Variants in FCRL3 observed in about 807,000 individuals in gnomAD.
FCRL3 encodes the protein Fc receptor like 3.
In FCRL3, 89 loss-of-function variants were observed where a neutral mutation model predicts 75.0. The ratio of observed to expected loss-of-function variants is 1.19; its 90% confidence interval spans 1.00 to 1.42. FCRL3 has a LOEUF of 1.42. Ranked by LOEUF, FCRL3 falls within the 40% of genes most tolerant of loss-of-function variation. The pLI is 0.00. For synonymous variants in FCRL3, 376 were observed against 348.5 expected (o/e 1.08, Z -0.88); for missense variants, 946 against 880.0 (o/e 1.07, Z -0.95).
intron 11 of FCRL3, 114 bp from the exon 12 acceptor site, chr1:157,681,213 G>T: frequency 1.7e-6 from 1 of 575,882 alleles, no homozygotes; most frequent in Non-Finnish European, 2.8e-6. Context: ...TAAAAATATT[G>T]TGTCTGCTTC....
At position 157,700,700 on chromosome 1, in the gene FCRL3, T is replaced by C. The variant is rs1003294882; in HGVS notation, c.-135A>G. 2 of 1,432,648 alleles carry C rather than the reference T, an allele frequency of 1.4e-6. No individual in the cohort carries two copies. The highest frequency in any genetic ancestry group is 1.4e-5 in the African/African-American group (1 of 69,328). The allele number at this position is 1,432,648 out of a possible 1,614,324, so 88.7% of individuals were successfully genotyped here. On this transcript the variant is annotated 5_prime_UTR_variant, in exon 1 of 15. Transcript: ENST00000368184. Reference sequence around the variant, plus strand: ...GTTTGTATCTCAATCCCGGTAGTGATACATTTTTAGAAGTTGGGGCTCATC... The same window carrying C: ...GTTTGTATCTCAATCCCGGTAGTGACACATTTTTAGAAGTTGGGGCTCATC...
In FCRL3 at chr1:157,680,777, G is replaced by A. The variant is rs1231965972; in HGVS notation, c.1958-7C>T. ...TTGCTATCTCCAGGATTTACTGTGA[G>A]AGAAGATATCATAGTTGGTTGCAGT... On this transcript the variant is annotated splice_region_variant and splice_polypyrimidine_tract_variant and intron_variant, in intron 12 of 14. Coordinates refer to ENST00000368184, the MANE Select transcript of FCRL3 (RefSeq NM_052939.4). 1 of 1,613,272 alleles carries A rather than the reference G, an allele frequency of 6.2e-7. No homozygotes were observed.
intron 11 of FCRL3, among the ~76,000 whole-genome samples, chr1:157,681,466 C>G (rs1654843907): frequency 2.1e-5 from 3 of 143,160 alleles, no homozygotes; most frequent in Admixed American, 7.3e-5. Context: ...TTATTCAATT[C>G]CCACCTATGA....
At chr1:157,696,412 C>T in intron 6 of FCRL3, 85 bp from the exon 7 acceptor site, 3 of 1,443,836 alleles carry the variant, frequency 2.1e-6, no homozygotes, top group South Asian at 1.2e-5. Flanking sequence ...CATGAATAGG[C>T]CAATAGCAGC....
intron 8 of FCRL3, among the ~76,000 whole-genome samples, chr1:157,690,924 G>T (rs754478165): frequency 6.6e-6 from 1 of 151,972 alleles, no homozygotes; most frequent in Non-Finnish European, 1.5e-5. Context: ...CTATCTAAAG[G>T]CAGGACCCAT....
intron 13 of FCRL3, among the ~76,000 whole-genome samples, chr1:157,679,641 C>G (rs895788921): frequency 6.6e-6 from 1 of 151,700 alleles, no homozygotes; most frequent in Non-Finnish European, 1.5e-5. Context: ...AACTCCTGGA[C>G]AACATAGTGA....
intron 13 of FCRL3, among the ~76,000 whole-genome samples, chr1:157,679,388 T>C (rs1654677872): frequency 6.6e-6 from 1 of 152,150 alleles, no homozygotes; most frequent in Non-Finnish European, 1.5e-5. Context: ...GAGGCAGATA[T>C]GAGTCACTTC....
At chr1:157,689,370 GA>G (rs1189255934) in intron 10 of FCRL3, among the ~76,000 whole-genome samples, 1 of 151,982 alleles carries the variant, frequency 6.6e-6, no homozygotes, top group Non-Finnish European at 1.5e-5. Flanking sequence ...GCAACAATCG[GA>G]AATTGAATTT....
In FCRL3 at chr1:157,700,667, T is replaced by C; in HGVS notation, c.-102A>G. On this transcript the variant is annotated 5_prime_UTR_variant, in exon 1 of 15. Transcript: ENST00000368184. ...GAAAATGTGAATGTGGCTACCTTCC[T>C]AAATGCTGTTTGTATCTCAATCCCG... 2.7e-6 allele frequency: 4 copies of C among 1,469,048 alleles called. No individual in the cohort carries two copies. Among genetic ancestry groups the C allele is most frequent in the Non-Finnish European group, 3.6e-6 (4 of 1,107,352 alleles). 91.0% of individuals were successfully genotyped at this position (1,469,048 alleles called of 1,614,324 possible). A position where few individuals can be genotyped will look rare whatever the true frequency, so the allele number is the denominator to read the frequency against.
intron 7 of FCRL3, 142 bp from the exon 8 acceptor site, chr1:157,695,749 A>C: frequency 9.6e-7 from 1 of 1,044,930 alleles, no homozygotes. Context: ...TTATCTAACA[A>C]TCAGAAGCAT....
chr1:157,689,725 G>C, intron 10 of FCRL3, 73 bp downstream of exon 10: 1 of 1,594,524 alleles, frequency 6.3e-7, no homozygotes, highest in Non-Finnish European at 8.6e-7. Context: ...GACCTTTATA[G>C]GGTGCACCAG....
chr1:157,698,236 G>T, intron 4 of FCRL3, 148 bp downstream of exon 4: 3 of 995,582 alleles, frequency 3.0e-6, no homozygotes, highest in East Asian at 4.8e-5. Context: ...GCATCATGCT[G>T]CTGCCCTATC....
At position 157,695,439 on chromosome 1, in the gene FCRL3, C is replaced by T. The variant is rs1284491452; in HGVS notation, c.1301G>A (p.Gly434Glu). Residue 434 changes from glycine to glutamate, a missense_variant, in exon 8 of 15, where the codon GGA (glycine) becomes GAA (glutamate). Gly to Glu is a moderately conservative substitution (Grantham distance 98). Transcript: ENST00000368184. ...LGNSSAPSGG[G>E]ASFNLSLTAE... ...AGTCAGAGAGAGGTTGAAGGAGGCTCCTCCTCCAGAGGGGGCTGAGCTGTT... is the reference window on the plus strand; with the variant it reads ...AGTCAGAGAGAGGTTGAAGGAGGCTTCTCCTCCAGAGGGGGCTGAGCTGTT... The T allele has an allele frequency of 2.5e-6, 4 of 1,614,162 alleles. No individual in the cohort carries two copies. The highest frequency in any genetic ancestry group is 3.4e-6 in the Non-Finnish European group (4 of 1,180,032).
chr1:157,677,771 A>T lies in FCRL3; in HGVS notation c.*939T>A. The stretch of plus-strand genomic sequence containing the variant: ...ACAATATGGTCTTTAACTTATAGTT[A>T]AAACTAATATAAAAACATATTTAAG... On this transcript the variant is annotated 3_prime_UTR_variant, in exon 15 of 15. Coordinates refer to ENST00000368184, the MANE Select transcript of FCRL3 (RefSeq NM_052939.4). 2 of 500,396 alleles carry T rather than the reference A, an allele frequency of 4.0e-6. No homozygotes were observed. The highest frequency in any genetic ancestry group is 5.2e-6 in the Non-Finnish European group (2 of 387,190). The allele number at this position is 500,396 out of a possible 1,614,324, so 31.0% of individuals were successfully genotyped here.
At position 157,690,275 on chromosome 1, in the gene FCRL3, A is replaced by G. The variant is rs1655431918; in HGVS notation, c.1670T>C (p.Val557Ala). ...CACACCTGTAACATTGAGTGTCACC[A>G]CTTTACTGTGCTGGGCCCCCAGGCC... The part of the protein sequence containing the change: ...DNGLGAQHSK[V>A]VTLNVTGTSR... The change falls in exon 9 of 15, where the codon GTG becomes GCG. Residue 557 changes from valine (V) to alanine (A), a missense_variant. Transcript: ENST00000368184. 2 of 1,614,134 alleles carry G rather than the reference A, an allele frequency of 1.2e-6. No individual in the cohort carries two copies. Among genetic ancestry groups the G allele is most frequent in the East Asian group, 2.2e-5 (1 of 44,898 alleles).
Position 157,681,021 on chromosome 1 carries a change from T to C in FCRL3, c.1917A>G (p.Lys639=). 5.6e-6 allele frequency: 9 copies of C among 1,605,976 alleles called. No homozygotes were observed. The highest frequency in any genetic ancestry group is 6.8e-6 in the Non-Finnish European group (8 of 1,177,116). Residue 639 remains lysine (K), a synonymous_variant, in exon 12 of 15, where the codon AAA becomes AAG. Transcript: ENST00000368184. Reference sequence around the variant, plus strand: ...GCTCCAGCTCCATTGGGGCTAGTGGTTTAGAGTGAGTGGGCTCTTGAGGGT... The same window carrying C: ...GCTCCAGCTCCATTGGGGCTAGTGGCTTAGAGTGAGTGGGCTCTTGAGGGT... ...RIDPQEPTHS[K]PLAPMELEPM... is the part of the protein sequence containing the mutation.
At position 157,700,604 on chromosome 1, in the gene FCRL3, G is replaced by C. The variant is rs73003413; in HGVS notation, c.-96-19C>G. 0.012 allele frequency: 19,152 copies of C among 1,578,404 alleles called. 2,039 individuals carry two copies. The African/African-American group carries it at 0.23, about 19-fold the overall frequency. ...ATGAGACCTGCAAGAATCAGAAAAGGGAAGAAGAGCTTAGTGTCATATTTT... is the reference window on the plus strand; with the variant it reads ...ATGAGACCTGCAAGAATCAGAAAAGCGAAGAAGAGCTTAGTGTCATATTTT... On this transcript the variant is annotated intron_variant, in intron 1 of 14. Transcript: ENST00000368184.
rs1487088605 is a variant in FCRL3 at position 157,678,023 on chromosome 1, GC to G, written c.*686del. ...GCAAATGATGAGACTATGTCATGAA[GC>G]AAAAATTACAATTAATGTGATTCTT... is the stretch of plus-strand genomic sequence containing the variant. On this transcript the variant is annotated 3_prime_UTR_variant, in exon 15 of 15. Transcript: ENST00000368184. 2 of 985,262 alleles carry G rather than the reference GC, an allele frequency of 2.0e-6. No individual in the cohort carries two copies. Among genetic ancestry groups the G allele is most frequent in the African/African-American group, 3.5e-5 (2 of 57,212 alleles). 61.0% of individuals were successfully genotyped at this position (985,262 alleles called of 1,614,324 possible).
At chr1:157,689,980 G>C in intron 9 of FCRL3, 63 bp from the exon 10 acceptor site, 2 of 1,602,610 alleles carry the variant, frequency 1.2e-6, no homozygotes, top group Non-Finnish European at 1.7e-6. Flanking sequence ...ACAAAATCAT[G>C]CAAGTAGGGT....
Sources: allele counts gnomAD v4.1 joint callset (sites outside exome capture counted in the v4.1 genomes callset), GRCh38; gene constraint gnomAD v4.1.1; transcripts MANE v1.5; gene names NCBI Gene and HGNC (gene_info 2026-07-23, HGNC 2026-07-21).